TMEM248: variants seen among roughly 807,000 people sequenced by gnomAD.
TMEM248 encodes the protein transmembrane protein 248, also known as UPF0458 protein C7orf42.
TMEM248 carries 9 observed loss-of-function variants against 30.3 expected under a neutral mutation model. That is an observed-to-expected ratio of 0.30 (90% confidence interval 0.18 to 0.52). The LOEUF (loss-of-function observed/expected upper bound fraction) is 0.52. Among genes scored for constraint, TMEM248 ranks in the 20% least tolerant of loss-of-function variants. The probability of loss-of-function intolerance (pLI) is 0.97; values close to 1 mark genes in which losing one functional copy is unlikely to be tolerated. For synonymous variants in TMEM248, 184 were observed against 154.4 expected, an observed-to-expected ratio of 1.19 and a Z score of -1.42; for missense variants, 338 against 403.3, an observed-to-expected ratio of 0.84 and a Z score of 1.39.
In TMEM248 at chr7:66,948,597, A is replaced by T; in HGVS notation, c.499A>T (p.Ser167Cys). 1 of 1,614,164 alleles carries T rather than the reference A, an allele frequency of 6.2e-7. No individual in the cohort carries two copies. The highest frequency in any genetic ancestry group is 8.5e-7 in the Non-Finnish European group (1 of 1,180,006). ...NITFTLPTAW[S>C]SDDCALHGHC... Reference sequence around the variant, plus strand: ...CACCTTCACCCTGCCTACAGCGTGGAGCTCAGATGACTGCGCCCTCCACGG... The same window carrying T: ...CACCTTCACCCTGCCTACAGCGTGGTGCTCAGATGACTGCGCCCTCCACGG... The change falls in exon 4 of 7, where the codon AGC (serine) becomes TGC (cysteine). Residue 167 changes from serine to cysteine, a missense_variant. By Grantham distance (112) the Ser-to-Cys change is moderately radical. Transcript: ENST00000341567.
rs541598764 is a variant in TMEM248 at position 66,956,879 on chromosome 7, T to C, written c.*1357T>C. The C allele has an allele frequency of 6.6e-6, 1 of 151,586 alleles. No homozygotes were observed. The highest frequency in any genetic ancestry group is 1.9e-4 in the East Asian group (1 of 5,184). 9.4% of individuals were successfully genotyped at this position (151,586 alleles called of 1,614,324 possible). A position where few individuals can be genotyped will look rare whatever the true frequency, so the allele number is the denominator to read the frequency against. ...TTGTAGAGACAGAGTCTCCCTCTGT[T>C]GCCCAGGCTGGTCTGGAACTCCTAG... On this transcript the variant is annotated 3_prime_UTR_variant, in exon 7 of 7. Transcript: ENST00000341567.
rs73379759 is a variant in TMEM248 at position 66,938,022 on chromosome 7, G to A, written c.-18-3826G>A. Among the ~76,000 whole-genome samples, 388 of 152,236 alleles carry A rather than the reference G, an allele frequency of 2.5e-3. 1 individual carries two copies. The highest frequency in any genetic ancestry group is 8.5e-3 in the African/African-American group (354 of 41,552). On this transcript the variant is annotated intron_variant, in intron 1 of 6. Coordinates refer to ENST00000341567, the MANE Select transcript of TMEM248 (RefSeq NM_017994.5). ...ATTACAGGTGTGAGCCACTGCGCCC[G>A]GTTATTTCTTTATTTCCATTTGATG...
At chr7:66,950,303 T>TG (rs1792227466) in intron 4 of TMEM248, among the ~76,000 whole-genome samples, 2 of 152,172 alleles carry the variant, frequency 1.3e-5, no homozygotes, top group South Asian at 4.1e-4. Context: ...TCATGTGTCA[T>TG]GGGAGGGACC....
intron 1 of TMEM248, among the ~76,000 whole-genome samples, chr7:66,926,650 A>G (rs1285038684): frequency 1.3e-5 from 2 of 152,020 alleles, no homozygotes; most frequent in African/African-American, 4.8e-5. Context: ...AAAAAAAAAA[A>G]AAAAGAAAAG....
intron 1 of TMEM248, among the ~76,000 whole-genome samples, chr7:66,931,445 A>AACTT (rs948647799): frequency 3.9e-5 from 6 of 152,004 alleles, no homozygotes; most frequent in Admixed American, 6.6e-5. Context: ...AATGAATGTT[A>AACTT]ACTTACTTTT....
At chr7:66,948,375 G>C (rs907670001) in intron 3 of TMEM248, among the ~76,000 whole-genome samples, 169 bp from the exon 4 acceptor site, 2 of 152,160 alleles carry the variant, frequency 1.3e-5, no homozygotes, top group African/African-American at 4.8e-5. Flanking sequence ...AGTTGAGTAG[G>C]ACTCATGGTC....
At position 66,946,457 on chromosome 7, in the gene TMEM248, G is replaced by T. The variant is rs369775134; in HGVS notation, c.445+1196G>T. On this transcript the variant is annotated intron_variant, in intron 3 of 6. Transcript: ENST00000341567. ...TAGCCAGGCGTGGTGGCAGGCGCCC[G>T]TGATCCCAGCCACTCTGGAGGCTGA... 3.3e-5 allele frequency among the ~76,000 whole-genome samples: 5 copies of T among 152,036 alleles called. No individual in the cohort carries two copies. In the East Asian group the frequency reaches 5.8e-4, roughly 18 times the overall value.
intron 1 of TMEM248, among the ~76,000 whole-genome samples, chr7:66,936,646 A>G (rs186020131): frequency 5.9e-5 from 9 of 151,962 alleles, no homozygotes; most frequent in African/African-American, 1.4e-4. Flanking sequence ...TTCTTCTTTT[A>G]GTGTTTGGTA....
At chr7:66,941,411 C>T (rs1192568761) in intron 1 of TMEM248, among the ~76,000 whole-genome samples, 2 of 151,076 alleles carry the variant, frequency 1.3e-5, no homozygotes, top group Non-Finnish European at 3.0e-5. Flanking sequence ...AAAAATTAGC[C>T]GGGCATAGTG....
intron 1 of TMEM248, 43 bp from the exon 2 acceptor site, chr7:66,941,805 G>A: frequency 2.0e-6 from 3 of 1,533,052 alleles, no homozygotes; most frequent in Non-Finnish European, 2.7e-6. Context: ...TAGCTTTCCT[G>A]TTGGCAAGTC....
intron 3 of TMEM248, among the ~76,000 whole-genome samples, chr7:66,945,830 A>T (rs1477277925): frequency 6.6e-6 from 1 of 152,180 alleles, no homozygotes; most frequent in African/African-American, 2.4e-5. Context: ...TCACGCCTGT[A>T]ATCCGAGCAC....
intron 1 of TMEM248, among the ~76,000 whole-genome samples, chr7:66,924,057 A>C (rs1358925434): frequency 1.3e-5 from 2 of 152,262 alleles, no homozygotes; most frequent in African/African-American, 4.8e-5. Flanking sequence ...TATTTTATTA[A>C]GGACAATGAA....
chr7:66,931,297 C>CAAAAAAAAAA (rs758131446), intron 1 of TMEM248, among the ~76,000 whole-genome samples: 2 of 64,388 alleles, frequency 3.1e-5, no homozygotes, highest in East Asian at 4.4e-4. Context: ...GACAATATCT[C>CAAAAAAAAAA]AAAAAAAAAA....
chr7:66,922,181 C>T (rs761929865), intron 1 of TMEM248: 1 of 152,230 alleles, frequency 6.6e-6, no homozygotes, highest in Admixed American at 6.5e-5. Context: ...GAATGGTGAG[C>T]TTCTCTGAAG....
chr7:66,946,609 C>T (rs1257875713), intron 3 of TMEM248, among the ~76,000 whole-genome samples: 1 of 151,748 alleles, frequency 6.6e-6, no homozygotes, highest in African/African-American at 2.4e-5. Flanking sequence ...CATTTGGTCT[C>T]TTCCTTTTGG....
At chr7:66,925,801 C>CACGCT (rs559541009) in intron 1 of TMEM248, among the ~76,000 whole-genome samples, 156 of 151,848 alleles carry the variant, frequency 1.0e-3, no homozygotes, top group African/African-American at 3.7e-3. Flanking sequence ...GCCACCACGC[C>CACGCT]ACGCTAATTT....
At chr7:66,954,010 C>T (rs1316477741) in intron 6 of TMEM248, among the ~76,000 whole-genome samples, 1 of 131,754 alleles carries the variant, frequency 7.6e-6, no homozygotes, top group Non-Finnish European at 1.5e-5. Context: ...GTGGCACGAT[C>T]TTGGCTCACT....
chr7:66,943,832 C>A (rs1313898203), intron 2 of TMEM248, among the ~76,000 whole-genome samples: 1 of 151,010 alleles, frequency 6.6e-6, no homozygotes, highest in African/African-American at 2.4e-5. Context: ...CACTCTGACA[C>A]CCAGGCTGAG....
intron 1 of TMEM248, among the ~76,000 whole-genome samples, chr7:66,940,195 C>A (rs185476995): frequency 0.044 from 6,741 of 152,154 alleles, 294 homozygotes; most frequent in Admixed American, 0.12. Flanking sequence ...CTCAAGTGAT[C>A]CACCCGCCTC....
Sources: gnomAD v4.1 joint callset for allele counts (sites outside exome capture counted in the v4.1 genomes callset) on GRCh38, gnomAD v4.1.1 for gene constraint, MANE v1.5 for transcripts, NCBI Gene and HGNC (gene_info 2026-07-23, HGNC 2026-07-21) for gene names.